LRIG1: variants seen among roughly 807,000 people sequenced by gnomAD.
LRIG1 encodes the protein leucine rich repeats and immunoglobulin like domains 1.
Under a neutral mutation model 99.2 loss-of-function variants are expected in LRIG1, and 48 were observed. The observed-to-expected ratio is 0.48, with a 90% CI of 0.38 to 0.62. The LOEUF (loss-of-function observed/expected upper bound fraction) is 0.62. LRIG1 is among the 20% of genes least tolerant of loss of function. The pLI, the probability that LRIG1 is intolerant of heterozygous loss-of-function variation, is 0.00. For missense variants in LRIG1, 1,646 were observed against 1,434.4 expected (o/e 1.15, Z -2.38); for synonymous variants, 772 against 596.1 (o/e 1.29, Z -4.30).
At chr3:66,396,113 G>A (rs1382719377) in intron 11 of LRIG1, among the ~76,000 whole-genome samples, 2 of 152,252 alleles carry the variant, frequency 1.3e-5, no homozygotes, top group African/African-American at 4.8e-5. Context: ...ACGCCTTTGA[G>A]GATTTCCTAC....
Position 66,383,376 on chromosome 3 carries a change from C to G in LRIG1, c.2097G>C (p.Leu699Phe). 6.4e-7 allele frequency: 1 copy of G among 1,565,914 alleles called. No homozygotes were observed. The highest frequency in any genetic ancestry group is 2.3e-5 in the East Asian group (1 of 44,230). ...CTCCCACAGATACCACACGGTCTTC[C>G]AAGGGGACCACCAAGGATGGGGTCT... The part of the protein sequence containing the change: ...VLETPSLVVP[L>F]EDRVVSVGET... Residue 699 changes from leucine (L) to phenylalanine (F), a missense_variant, in exon 15 of 19, where the codon TTG becomes TTC. Coordinates refer to ENST00000273261, the MANE Select transcript of LRIG1 (RefSeq NM_015541.3).
Position 66,457,666 on chromosome 3 carries a change from C to G in LRIG1, c.290+4772G>C, listed in dbSNP as rs529341696. On this transcript the variant is annotated intron_variant, in intron 2 of 18. Transcript: ENST00000273261. ...AATGTTACAGAAGAAAGAAAGCAAA[C>G]GCTGAGGCACTAAGTAACTTGTCTA... 3.8e-4 allele frequency among the ~76,000 whole-genome samples: 58 copies of G among 152,326 alleles called. 1 individual carries two copies. Among genetic ancestry groups the G allele is most frequent in the African/African-American group, 1.4e-3 (58 of 41,576 alleles).
intron 3 of LRIG1, among the ~76,000 whole-genome samples, chr3:66,423,520 A>AAGATCACGCC (rs1702886025): frequency 6.6e-6 from 1 of 152,200 alleles, no homozygotes; most frequent in Admixed American, 6.5e-5. Flanking sequence ...GTAGTGAGCC[A>AAGATCACGCC]AGATCACGCC....
At chr3:66,424,401 G>A (rs1702913780) in intron 3 of LRIG1, among the ~76,000 whole-genome samples, 1 of 152,132 alleles carries the variant, frequency 6.6e-6, no homozygotes, top group Non-Finnish European at 1.5e-5. Context: ...AACCCCTGCA[G>A]GGAAGCCTTC....
chr3:66,487,435 A>G (rs796095070), intron 1 of LRIG1, among the ~76,000 whole-genome samples: 4 of 152,210 alleles, frequency 2.6e-5, no homozygotes, highest in Non-Finnish European at 4.4e-5. Context: ...CCCCTTAGAG[A>G]AACAATGAAA....
rs1274740871 is a variant in LRIG1, at chr3:66,381,508, G to A, written c.2741C>T (p.Ala914Val). Residue 914 changes from alanine (A) to valine (V), a missense_variant, in exon 17 of 19, where the codon GCT becomes GTT. Ala to Val is a moderately conservative substitution (Grantham distance 64, BLOSUM62 0). Coordinates refer to ENST00000273261, the MANE Select transcript of LRIG1 (RefSeq NM_015541.3). The stretch of plus-strand genomic sequence containing the variant: ...CTTATGTGGCCCAGGTGTCCCTTCA[G>A]CTTTCTCCATCGCTTTCCACGGCTC... ...HKEPWKAMEK[A>V]EGTPGPHKME... The A allele has an allele frequency of 2.5e-6, 4 of 1,613,952 alleles. No homozygotes were observed. The highest frequency in any genetic ancestry group is 3.4e-6 in the Non-Finnish European group (4 of 1,179,856).
chr3:66,395,261 G>A (rs1701801890), intron 11 of LRIG1, among the ~76,000 whole-genome samples: 1 of 152,174 alleles, frequency 6.6e-6, no homozygotes, highest in African/African-American at 2.4e-5. Flanking sequence ...AAAACATCAT[G>A]CAGGCCAAGA....
intron 3 of LRIG1, among the ~76,000 whole-genome samples, chr3:66,419,593 T>C (rs190444283): frequency 2.5e-4 from 38 of 152,184 alleles, no homozygotes; most frequent in Admixed American, 1.3e-3. Flanking sequence ...TTGGATCAGA[T>C]TGCAGAGCTA....
At position 66,379,172 on chromosome 3, in the gene LRIG1, GT is replaced by G. The variant is rs1700879436; in HGVS notation, c.*1090del. ...ATGACACATTGGCACTCATAAGATG[GT>G]TAGCTACCAGTCTCAAAAGTGCAAA... On this transcript the variant is annotated 3_prime_UTR_variant, in exon 19 of 19. Coordinates refer to ENST00000273261, the MANE Select transcript of LRIG1 (RefSeq NM_015541.3). 1 of 152,626 alleles carries G rather than the reference GT, an allele frequency of 6.6e-6. No individual in the cohort carries two copies. Among genetic ancestry groups the G allele is most frequent in the African/African-American group, 2.4e-5 (1 of 41,444 alleles). The allele number at this position is 152,626 out of a possible 1,614,324, so 9.5% of individuals were successfully genotyped here. A position where few individuals can be genotyped will look rare whatever the true frequency, so the allele number is the denominator to read the frequency against.
At chr3:66,408,954 GTGTGTGTGGT>G (rs1702370553) in intron 7 of LRIG1, among the ~76,000 whole-genome samples, 3 of 131,548 alleles carry the variant, frequency 2.3e-5, no homozygotes, top group African/African-American at 5.7e-5. Flanking sequence ...GTGTGTGTGT[GTGTGTGTGGT>G]GGGGGGAGGG....
At chr3:66,441,365 A>G (rs1703532257) in intron 3 of LRIG1, among the ~76,000 whole-genome samples, 1 of 152,226 alleles carries the variant, frequency 6.6e-6, no homozygotes, top group African/African-American at 2.4e-5. Context: ...CTACTGGCAC[A>G]ATCGAACACG....
chr3:66,483,484 A>G (rs1441813063), intron 1 of LRIG1, among the ~76,000 whole-genome samples: 1 of 152,242 alleles, frequency 6.6e-6, no homozygotes, highest in East Asian at 1.9e-4. Context: ...GTGTTCTCAC[A>G]GCTCCCTCTG....
chr3:66,394,105 C>G lies in LRIG1; in HGVS notation c.1403G>C (p.Cys468Ser). The change falls in exon 12 of 19, where the codon TGT becomes TCT. Residue 468 changes from cysteine to serine, a missense_variant. Cys to Ser is a moderately radical substitution (Grantham distance 112, BLOSUM62 -1). Coordinates refer to ENST00000273261, the MANE Select transcript of LRIG1 (RefSeq NM_015541.3). ...ACCCTTCAGTGATTCTGGGTGGGCA[C>G]AGGTGGCTGTCACAAAGGCCTGCAG... Reference protein sequence around the residue: ...RMLQAFVTATCAHPESLKGQS... With the variant: ...RMLQAFVTATSAHPESLKGQS... The G allele has an allele frequency of 1.2e-6, 2 of 1,614,004 alleles. No homozygotes were observed. Among genetic ancestry groups the G allele is most frequent in the Non-Finnish European group, 1.7e-6 (2 of 1,179,964 alleles).
intron 5 of LRIG1, 104 bp from the exon 6 acceptor site, chr3:66,413,118 C>G (rs1381899815): frequency 7.5e-7 from 1 of 1,334,342 alleles, no homozygotes; most frequent in East Asian, 2.4e-5. Flanking sequence ...AGGAGAAATC[C>G]CAGTGCAGGG....
intron 5 of LRIG1, among the ~76,000 whole-genome samples, chr3:66,414,259 T>C (rs778749588): frequency 6.6e-6 from 1 of 152,046 alleles, no homozygotes; most frequent in Non-Finnish European, 1.5e-5. Flanking sequence ...TAGCCAGGCA[T>C]GGTGGTGGGT....
chr3:66,493,498 T>C (rs1252022265), intron 1 of LRIG1, among the ~76,000 whole-genome samples: 1 of 152,188 alleles, frequency 6.6e-6, no homozygotes, highest in Non-Finnish European at 1.5e-5. Flanking sequence ...TTCATACATA[T>C]CACCAAAAAT....
intron 2 of LRIG1, among the ~76,000 whole-genome samples, chr3:66,454,806 C>T (rs1374648243): frequency 6.6e-6 from 1 of 152,172 alleles, no homozygotes; most frequent in Non-Finnish European, 1.5e-5. Flanking sequence ...CCAAAACTTC[C>T]ATTTAATTGA....
intron 9 of LRIG1, among the ~76,000 whole-genome samples, chr3:66,400,524 C>G (rs1702013227): frequency 6.6e-6 from 1 of 152,136 alleles, no homozygotes; most frequent in Non-Finnish European, 1.5e-5. Context: ...CAGGTCTGTC[C>G]AAGGCAATGG....
At chr3:66,458,056 A>C (rs1244640426) in intron 2 of LRIG1, among the ~76,000 whole-genome samples, 1 of 152,246 alleles carries the variant, frequency 6.6e-6, no homozygotes, top group African/African-American at 2.4e-5. Context: ...ACCATGTGAC[A>C]CTGTGCAAGT....
Sources: gnomAD v4.1 joint callset for allele counts (sites outside exome capture counted in the v4.1 genomes callset) on GRCh38, gnomAD v4.1.1 for gene constraint, MANE v1.5 for transcripts, NCBI Gene and HGNC (gene_info 2026-07-23, HGNC 2026-07-21) for gene names.